Variants in FGF14 observed in about 807,000 individuals in gnomAD.
The protein encoded by FGF14 is fibroblast growth factor 14.
FGF14 carries 5 observed loss-of-function variants against 25.5 expected under a neutral mutation model. The ratio of observed to expected loss-of-function variants is 0.20; its 90% CI spans 0.10 to 0.41. FGF14 has a LOEUF of 0.41. Among genes scored for constraint, FGF14 ranks in the 10% least tolerant of loss-of-function variants. The probability of loss-of-function intolerance (pLI) is 1.00; values close to 1 mark genes in which losing one functional copy is unlikely to be tolerated. For synonymous variants in FGF14, 138 were observed against 118.3 expected, an observed-to-expected ratio of 1.17 and a Z score of -1.08; for missense variants, 222 against 320.1, an observed-to-expected ratio of 0.69 and a Z score of 2.34.
intron 3 of FGF14, among the ~76,000 whole-genome samples, chr13:101,855,572 C>A (rs11617277): frequency 0.28 from 42,657 of 151,646 alleles, 6,237 homozygotes; most frequent in East Asian, 0.53. Context: ...CTGCTATGTG[C>A]CATATTCAAC....
chr13:102,024,076 A>G (rs1296758938), intron 1 of FGF14, among the ~76,000 whole-genome samples: 1 of 152,098 alleles, frequency 6.6e-6, no homozygotes, highest in Non-Finnish European at 1.5e-5. Context: ...TAAATAATGC[A>G]GCTGTAAAAT....
In FGF14 at chr13:101,795,826, T is replaced by C. The variant is rs189251598; in HGVS notation, c.409-69016A>G. Among the ~76,000 whole-genome samples, 73 of 152,284 alleles carry C rather than the reference T, an allele frequency of 4.8e-4. 1 individual carries two copies. The highest frequency in any genetic ancestry group is 4.3e-3 in the South Asian group (21 of 4,832). ...GTGGGTGATTACCATGTAGCCATGT[T>C]AATCCAAAAAGTTGGATTTTGCTAC... On this transcript the variant is annotated intron_variant, in intron 3 of 4. Transcript: ENST00000376143.
intron 3 of FGF14, among the ~76,000 whole-genome samples, chr13:101,783,042 A>T (rs2039603299): frequency 6.6e-6 from 1 of 151,992 alleles, no homozygotes; most frequent in South Asian, 2.1e-4. Context: ...AGCATCTGTT[A>T]TTTTTTACTT....
chr13:102,021,391 G>A (rs2139867192), intron 1 of FGF14, among the ~76,000 whole-genome samples: 1 of 152,020 alleles, frequency 6.6e-6, no homozygotes. Flanking sequence ...TGGATATCGT[G>A]AACTCCTCAC....
chr13:102,196,034 G>C (rs1382373138), intron 1 of FGF14, among the ~76,000 whole-genome samples: 1 of 152,198 alleles, frequency 6.6e-6, no homozygotes, highest in Non-Finnish European at 1.5e-5. Context: ...TCTTTGGAGA[G>C]AGGAAGCAGG....
At chr13:102,067,842 G>C (rs1334189140) in intron 1 of FGF14, among the ~76,000 whole-genome samples, 4 of 151,962 alleles carry the variant, frequency 2.6e-5, no homozygotes, top group African/African-American at 9.7e-5. Context: ...ACCCAAATAA[G>C]ACTACCTTAA....
At chr13:102,040,617 A>AT (rs1240842620) in intron 1 of FGF14, among the ~76,000 whole-genome samples, 1 of 152,298 alleles carries the variant, frequency 6.6e-6, no homozygotes, top group East Asian at 1.9e-4. Context: ...GACATGGCAA[A>AT]TTGGATGGAT....
At chr13:101,741,227 A>G (rs2036533392) in intron 3 of FGF14, among the ~76,000 whole-genome samples, 1 of 152,118 alleles carries the variant, frequency 6.6e-6, no homozygotes, top group Non-Finnish European at 1.5e-5. Flanking sequence ...TCCCAGCTAT[A>G]TGGGAGGGTG....
chr13:101,768,164 C>G (rs922930535), intron 3 of FGF14, among the ~76,000 whole-genome samples: 2 of 151,832 alleles, frequency 1.3e-5, no homozygotes, highest in African/African-American at 4.8e-5. Flanking sequence ...ACCTTAAAAT[C>G]ATACTCTGAA....
chr13:102,134,096 C>G (rs2046312405), intron 1 of FGF14, among the ~76,000 whole-genome samples: 1 of 152,164 alleles, frequency 6.6e-6, no homozygotes, highest in Non-Finnish European at 1.5e-5. Context: ...CTGGGCTAGA[C>G]ACTGAGTATT....
chr13:101,996,981 G>T (rs984011789), intron 1 of FGF14, among the ~76,000 whole-genome samples: 1 of 152,186 alleles, frequency 6.6e-6, no homozygotes, highest in East Asian at 1.9e-4. Context: ...TCCCTCTGCT[G>T]AGGGCACCAC....
intron 1 of FGF14, among the ~76,000 whole-genome samples, chr13:102,320,869 C>A (rs2056217729): frequency 6.6e-6 from 1 of 152,116 alleles, no homozygotes; most frequent in Non-Finnish European, 1.5e-5. Context: ...TTTCCTATTT[C>A]CTTCATCCCT....
At chr13:102,007,476 A>G (rs2039866004) in intron 1 of FGF14, among the ~76,000 whole-genome samples, 1 of 152,210 alleles carries the variant, frequency 6.6e-6, no homozygotes, top group African/African-American at 2.4e-5. Flanking sequence ...TGGGCAGAGT[A>G]TAGAACAATG....
chr13:102,148,756 A>C (rs926794310), intron 1 of FGF14, among the ~76,000 whole-genome samples: 1 of 152,094 alleles, frequency 6.6e-6, no homozygotes. Flanking sequence ...GCACCACTGC[A>C]CTCCAGCCTG....
At chr13:101,816,229 CACTGCACTCCAACCTGGGGA>C (rs1210865803) in intron 3 of FGF14, among the ~76,000 whole-genome samples, 1 of 144,130 alleles carries the variant, frequency 6.9e-6, no homozygotes, top group East Asian at 2.0e-4. Flanking sequence ...GAGATCGCGC[CACTGCACTCCAACCTGGGGA>C]ACAGAGAGAG....
At chr13:102,011,643 G>A (rs2040084647) in intron 1 of FGF14, among the ~76,000 whole-genome samples, 1 of 152,306 alleles carries the variant, frequency 6.6e-6, no homozygotes, top group Admixed American at 6.5e-5. Flanking sequence ...ACCCAGGCAG[G>A]ATCACTTCAG....
rs556242125 is a variant in FGF14 at position 102,385,440 on chromosome 13, T to C, written c.208+16031A>G. 6.6e-5 allele frequency among the ~76,000 whole-genome samples: 10 copies of C among 152,324 alleles called. No homozygotes were observed. The South Asian group carries it at 2.1e-3, about 32-fold the overall frequency. ...ACCAATAACCAAGATGCCTGACTAG[T>C]AAACCTGATACAGGAAACAGACATA... On this transcript the variant is annotated intron_variant, in intron 1 of 4. Coordinates refer to the FGF14 transcript ENST00000376131.
At chr13:102,302,075 G>A (rs1193865459) in intron 1 of FGF14, among the ~76,000 whole-genome samples, 1 of 152,036 alleles carries the variant, frequency 6.6e-6, no homozygotes, top group Non-Finnish European at 1.5e-5. Context: ...TCCTCACACT[G>A]CTTGTTCAAG....
chr13:102,103,657 T>C (rs999871811), intron 1 of FGF14, among the ~76,000 whole-genome samples: 2 of 152,160 alleles, frequency 1.3e-5, no homozygotes, highest in Non-Finnish European at 2.9e-5. Context: ...ATCTCCTCAA[T>C]AATAATGTGC....
Sources: allele counts gnomAD v4.1 joint callset (sites outside exome capture counted in the v4.1 genomes callset), GRCh38; gene constraint gnomAD v4.1.1; transcripts MANE v1.5; gene names NCBI Gene and HGNC (gene_info 2026-07-23, HGNC 2026-07-21).